Variants in ZNF629 observed in about 807,000 individuals in gnomAD.
The protein encoded by ZNF629 is DNA-binding protein.
ZNF629 carries 9 observed loss-of-function variants against 59.7 expected under a neutral mutation model. The observed-to-expected ratio is 0.15, with a 90% confidence interval of 0.09 to 0.26. The LOEUF (loss-of-function observed/expected upper bound fraction) is 0.26, where lower values mean the gene tolerates loss of function less well. Ranked by LOEUF, ZNF629 falls within the 10% of genes least tolerant of loss-of-function variation. The pLI, the probability that ZNF629 is intolerant of heterozygous loss-of-function variation, is 1.00. For missense variants in ZNF629, 853 were observed against 1,165.4 expected (o/e 0.73, Z 3.90); for synonymous variants, 509 against 498.9 (o/e 1.02, Z -0.27).
rs190655483 is a variant in ZNF629, at chr16:30,779,062, C to T, written c.*2656G>A. On this transcript the variant is annotated 3_prime_UTR_variant, in exon 3 of 3. Transcript: ENST00000262525. Reference sequence around the variant, plus strand: ...GTGGGCAAGAGAGAACACGCCACACCCCAGAGGTATCGAACCCTGCCCCTT... The same window carrying T: ...GTGGGCAAGAGAGAACACGCCACACTCCAGAGGTATCGAACCCTGCCCCTT... The T allele has an allele frequency of 1.6e-4, 24 of 152,340 alleles. No homozygotes were observed. Among genetic ancestry groups the T allele is most frequent in the African/African-American group, 5.8e-4 (24 of 41,512 alleles). The allele number at this position is 152,340 out of a possible 1,614,324, so 9.4% of individuals were successfully genotyped here.
At position 30,784,076 on chromosome 16, in the gene ZNF629, A is replaced by G; in HGVS notation, c.252T>C (p.Asn84=). ...CCAGGGGGATCTGGTGGTCCAAGGGATTGGAGTGACCCAGTGGGGTTGGGG... is the reference window on the plus strand; with the variant it reads ...CCAGGGGGATCTGGTGGTCCAAGGGGTTGGAGTGACCCAGTGGGGTTGGGG... ...QNPPTPLGHS[N]PLDHQIPLDP... The change falls in exon 3 of 3, where the codon AAT becomes AAC. Residue 84 remains asparagine (N), a synonymous_variant. Coordinates refer to ENST00000262525, the MANE Select transcript of ZNF629 (RefSeq NM_001080417.3). The G allele has an allele frequency of 6.5e-7, 1 of 1,542,232 alleles. No individual in the cohort carries two copies. Among genetic ancestry groups the G allele is most frequent in the Non-Finnish European group, 8.8e-7 (1 of 1,135,932 alleles).
Position 30,784,058 on chromosome 16 carries a change from G to T in ZNF629, c.270C>A (p.Ile90=). 1.9e-6 allele frequency: 3 copies of T among 1,591,180 alleles called. No homozygotes were observed. Among genetic ancestry groups the T allele is most frequent in the Admixed American group, 1.7e-5 (1 of 58,208 alleles). The change falls in exon 3 of 3, where the codon ATC becomes ATA. Residue 90 remains isoleucine, a synonymous_variant. Transcript: ENST00000262525. ...LGHSNPLDHQ[I]PLDPPAPEVV... The stretch of plus-strand genomic sequence containing the variant: ...CCTCCGGGGCTGGGGGGTCCAGGGG[G>T]ATCTGGTGGTCCAAGGGATTGGAGT...
intron 1 of ZNF629, 34 bp from the exon 2 acceptor site, chr16:30,784,549 G>GAGCT: frequency 6.9e-7 from 1 of 1,456,244 alleles, no homozygotes; most frequent in Admixed American, 2.5e-5. Flanking sequence ...CGCACACTGG[G>GAGCT]AGCTGATTTT....
chr16:30,782,924 G>C lies in ZNF629; in HGVS notation c.1404C>G (p.Ile468Met), dbSNP rs565081476. Residue 468 changes from isoleucine to methionine, a missense_variant, in exon 3 of 3, where the codon ATC (isoleucine) becomes ATG (methionine). Physicochemically the swap from Ile to Met is conservative, Grantham distance 10. Coordinates refer to ENST00000262525, the MANE Select transcript of ZNF629 (RefSeq NM_001080417.3). ...YKCSDCGKSF[I>M]RSSHLIQHRR... is the part of the protein sequence containing the mutation. ...GGTGCTGGATAAGGTGGGAGCTGCG[G>C]ATGAAGCTCTTGCCGCAGTCGGAAC... The C allele has an allele frequency of 6.2e-7, 1 of 1,613,972 alleles. No homozygotes were observed. The highest frequency in any genetic ancestry group is 1.1e-5 in the South Asian group (1 of 91,074).
Position 30,782,939 on chromosome 16 carries a change from G to A in ZNF629, c.1389C>T (p.Cys463=), listed in dbSNP as rs1345833996. Residue 463 remains cysteine, a synonymous_variant, in exon 3 of 3, where the codon TGC becomes TGT. Transcript: ENST00000262525. ...TGEKPYKCSD[C]GKSFIRSSHL... ...GGGAGCTGCGGATGAAGCTCTTGCCGCAGTCGGAACACTTGTAGGGCTTCT... is the reference window on the plus strand; with the variant it reads ...GGGAGCTGCGGATGAAGCTCTTGCCACAGTCGGAACACTTGTAGGGCTTCT... The A allele has an allele frequency of 3.1e-6, 5 of 1,613,860 alleles. No homozygotes were observed. The highest frequency in any genetic ancestry group is 1.3e-5 in the African/African-American group (1 of 74,848).
rs1398872825 is a variant in ZNF629, at chr16:30,779,085, C to A, written c.*2633G>T. 6.6e-6 allele frequency: 1 copy of A among 152,324 alleles called. No homozygotes were observed. The highest frequency in any genetic ancestry group is 2.4e-5 in the African/African-American group (1 of 41,416). The allele number at this position is 152,324 out of a possible 1,614,324, so 9.4% of individuals were successfully genotyped here. ...ACCCCAGAGGTATCGAACCCTGCCC[C>A]TTTCCTACCGCAAGACGCCTGACCC... On this transcript the variant is annotated 3_prime_UTR_variant, in exon 3 of 3. Transcript: ENST00000262525.
Position 30,784,152 on chromosome 16 carries a change from G to A in ZNF629, c.176C>T (p.Thr59Ile), listed in dbSNP as rs773364878. 5 of 1,609,700 alleles carry A rather than the reference G, an allele frequency of 3.1e-6. No homozygotes were observed. The highest frequency in any genetic ancestry group is 4.2e-6 in the Non-Finnish European group (5 of 1,179,032). The change falls in exon 3 of 3, where the codon ACA becomes ATA. Residue 59 changes from threonine (T) to isoleucine (I), a missense_variant. Around this residue, in one of 3 missense-constraint regions of ZNF629, gnomAD observed 232 missense variants for 193.4 expected, o/e 1.20. Coordinates refer to ENST00000262525, the MANE Select transcript of ZNF629 (RefSeq NM_001080417.3). ...PAQSPESKDS[T>I]EMSLERSSQD... ...GGAGGATCTCTCCAGGGACATCTCT[G>A]TTGAGTCCTTGGATTCTGGACTCTG...
chr16:30,785,607 C>G (rs969352050), intron 1 of ZNF629, among the ~76,000 whole-genome samples: 2 of 152,078 alleles, frequency 1.3e-5, no homozygotes, highest in East Asian at 1.9e-4. Context: ...TGAGCTGGAA[C>G]CATACTCCCC....
In ZNF629 at chr16:30,783,998, G is replaced by C. The variant is rs1320134790; in HGVS notation, c.330C>G (p.Cys110Trp). 1.3e-6 allele frequency: 2 copies of C among 1,572,170 alleles called. No homozygotes were observed. Among genetic ancestry groups the C allele is most frequent in the African/African-American group, 1.3e-5 (1 of 74,146 alleles). Residue 110 changes from cysteine to tryptophan, a missense_variant, in exon 3 of 3, where the codon TGC becomes TGG. Physicochemically the swap from Cys to Trp is radical, Grantham distance 215. Transcript: ENST00000262525. ...GAGCGCCCCACTGCCAGCTGGCCTC[G>C]CAGGCCTTGGTCCAGTCAGATGGGG... ...VPTPSDWTKA[C>W]EASWQWGALT...
rs1262344548 is a variant in ZNF629, at chr16:30,784,302, G to A, written c.74-48C>T. The A allele has an allele frequency of 1.9e-6, 3 of 1,564,246 alleles. No individual in the cohort carries two copies. The East Asian group carries it at 7.0e-5, about 37-fold the overall frequency. On this transcript the variant is annotated intron_variant, in intron 2 of 2. Coordinates refer to ENST00000262525, the MANE Select transcript of ZNF629 (RefSeq NM_001080417.3). ...CAGCCCCCAGCCCCTTTCAGAACACGGGGTTTGGTCTCTCTTCCCTCCCCC... is the reference window on the plus strand; with the variant it reads ...CAGCCCCCAGCCCCTTTCAGAACACAGGGTTTGGTCTCTCTTCCCTCCCCC...
chr16:30,783,792 G>A lies in ZNF629; in HGVS notation c.536C>T (p.Thr179Ile). 6.2e-7 allele frequency: 1 copy of A among 1,610,914 alleles called. No individual in the cohort carries two copies. Among genetic ancestry groups the A allele is most frequent in the South Asian group, 1.1e-5 (1 of 90,636 alleles). ...GAAGCTCTTGCCGCACTCGGAGCAG[G>A]TGTTGGGCCGCTCTCCCGTGTGGAT... The part of the protein sequence containing the change: ...QRIHTGERPN[T>I]CSECGKSFTQ... Residue 179 changes from threonine (T) to isoleucine (I), a missense_variant, in exon 3 of 3, where the codon ACC becomes ATC. This residue lies in a region of ZNF629 where 201 missense variants were observed against 536.5 expected (regional missense o/e 0.37). Transcript: ENST00000262525.
chr16:30,785,789 T>A (rs1362263796), intron 1 of ZNF629, among the ~76,000 whole-genome samples: 1 of 151,890 alleles, frequency 6.6e-6, no homozygotes, highest in African/African-American at 2.4e-5. Context: ...CTGTTTGGTC[T>A]AATGCCTTTA....
rs1368378376 is a variant in ZNF629 at position 30,780,297 on chromosome 16, TG to T, written c.*1420del. On this transcript the variant is annotated 3_prime_UTR_variant, in exon 3 of 3. Transcript: ENST00000262525. Reference sequence around the variant, plus strand: ...CTTCAGGGACCTGTGGCTCAGTCTGTGGGGTGTCTGGATCCCCACCAGGGAG... The same window carrying T: ...CTTCAGGGACCTGTGGCTCAGTCTGTGGGTGTCTGGATCCCCACCAGGGAG... 1 of 152,440 alleles carries T rather than the reference TG, an allele frequency of 6.6e-6. No homozygotes were observed. The highest frequency in any genetic ancestry group is 6.5e-5 in the Admixed American group (1 of 15,274). The allele number at this position is 152,440 out of a possible 1,614,324, so 9.4% of individuals were successfully genotyped here.
chr16:30,783,689 C>G lies in ZNF629; in HGVS notation c.639G>C (p.Lys213Asn), dbSNP rs1364688832. 6.2e-7 allele frequency: 1 copy of G among 1,613,612 alleles called. No individual in the cohort carries two copies. The highest frequency in any genetic ancestry group is 2.2e-5 in the East Asian group (1 of 44,836). Residue 213 changes from lysine to asparagine, a missense_variant, in exon 3 of 3, where the codon AAG becomes AAC. By Grantham distance (94) the Lys-to-Asn change is moderately conservative. This residue lies in a region of ZNF629 where 201 missense variants were observed against 536.5 expected (regional missense o/e 0.37). Coordinates refer to ENST00000262525, the MANE Select transcript of ZNF629 (RefSeq NM_001080417.3). ...EKPYKCPDCG[K>N]CFSWSSNLVQ... ...CCAGGTTGGAGCTCCAGCTGAAGCACTTGCCGCAGTCGGGGCACTTGTAGG... is the reference window on the plus strand; with the variant it reads ...CCAGGTTGGAGCTCCAGCTGAAGCAGTTGCCGCAGTCGGGGCACTTGTAGG...
At position 30,782,594 on chromosome 16, in the gene ZNF629, G is replaced by A. The variant is rs1459431097; in HGVS notation, c.1734C>T (p.Phe578=). The A allele has an allele frequency of 6.4e-7, 1 of 1,562,756 alleles. No homozygotes were observed. The highest frequency in any genetic ancestry group is 8.7e-7 in the Non-Finnish European group (1 of 1,152,986). The stretch of plus-strand genomic sequence containing the variant: ...GTTGCATGAAGATGCCCTCGTCGTT[G>A]AAGCCCTTTCCGCACACGAGACACT... The part of the protein sequence containing the change: ...PHKCLVCGKG[F]NDEGIFMQHQ... The change falls in exon 3 of 3, where the codon TTC becomes TTT. Residue 578 remains phenylalanine (F), a synonymous_variant. Coordinates refer to ENST00000262525, the MANE Select transcript of ZNF629 (RefSeq NM_001080417.3).
Position 30,781,538 on chromosome 16 carries a change from A to G in ZNF629, c.*180T>C. The G allele has an allele frequency of 1.9e-6, 1 of 517,778 alleles. No individual in the cohort carries two copies. Among genetic ancestry groups the G allele is most frequent in the South Asian group, 5.0e-5 (1 of 20,154 alleles). The allele number at this position is 517,778 out of a possible 1,614,324, so 32.1% of individuals were successfully genotyped here. ...TACTGCCTTATAAGTGCTTCCCACCAACAATTTTATAGGGTTTCTCATCAC... is the reference window on the plus strand; with the variant it reads ...TACTGCCTTATAAGTGCTTCCCACCGACAATTTTATAGGGTTTCTCATCAC... On this transcript the variant is annotated 3_prime_UTR_variant, in exon 3 of 3. Coordinates refer to ENST00000262525, the MANE Select transcript of ZNF629 (RefSeq NM_001080417.3).
At position 30,781,512 on chromosome 16, in the gene ZNF629, C is replaced by G; in HGVS notation, c.*206G>C. 1 of 429,006 alleles carries G rather than the reference C, an allele frequency of 2.3e-6. No homozygotes were observed. The highest frequency in any genetic ancestry group is 4.0e-6 in the Non-Finnish European group (1 of 248,838). The allele number at this position is 429,006 out of a possible 1,614,324, so 26.6% of individuals were successfully genotyped here. A position where few individuals can be genotyped will look rare whatever the true frequency, so the allele number is the denominator to read the frequency against. ...GGGTTTCTAACCCAACAGTTTTTCT[C>G]TACTGCCTTATAAGTGCTTCCCACC... On this transcript the variant is annotated 3_prime_UTR_variant, in exon 3 of 3. Transcript: ENST00000262525.
chr16:30,781,487 G>T lies in ZNF629; in HGVS notation c.*231C>A. Reference sequence around the variant, plus strand: ...CTTTTTTTTTTCCTACATATTTATAGGGTTTCTAACCCAACAGTTTTTCTC... The same window carrying T: ...CTTTTTTTTTTCCTACATATTTATATGGTTTCTAACCCAACAGTTTTTCTC... On this transcript the variant is annotated 3_prime_UTR_variant, in exon 3 of 3. Transcript: ENST00000262525. The T allele has an allele frequency of 2.6e-6, 1 of 383,244 alleles. No individual in the cohort carries two copies. Among genetic ancestry groups the T allele is most frequent in the Non-Finnish European group, 4.6e-6 (1 of 216,822 alleles). 23.7% of individuals were successfully genotyped at this position (383,244 alleles called of 1,614,324 possible).
rs759396232 is a variant in ZNF629, at chr16:30,781,996, G to A, written c.2332C>T (p.Leu778Phe). ...YRCSDCRASF[L>F]DRVALTRHQE... ...TGCCGGGTGAGGGCCACGCGGTCGAGGAAGGAGGCCCTGCAATCTGAGCAG... is the reference window on the plus strand; with the variant it reads ...TGCCGGGTGAGGGCCACGCGGTCGAAGAAGGAGGCCCTGCAATCTGAGCAG... The change falls in exon 3 of 3, where the codon CTC becomes TTC. Residue 778 changes from leucine (L) to phenylalanine (F), a missense_variant. Leu to Phe is a conservative substitution (Grantham distance 22). This residue lies in a region of ZNF629 where 420 missense variants were observed against 435.6 expected (regional missense o/e 0.96). Transcript: ENST00000262525. 6.4e-7 allele frequency: 1 copy of A among 1,567,958 alleles called. No individual in the cohort carries two copies.
Sources: allele counts gnomAD v4.1 joint callset (sites outside exome capture counted in the v4.1 genomes callset), GRCh38; gene constraint gnomAD v4.1.1; regional missense constraint gnomAD v4.1.1; transcripts MANE v1.5; gene names NCBI Gene and HGNC (gene_info 2026-07-23, HGNC 2026-07-21).